Variants in GREP1 observed in about 807,000 individuals in gnomAD.
GREP1 encodes glycine rich extracellular protein 1, also known as glycine-rich extracellular protein 1.
intron 27 of GREP1, 113 bp from the exon 25 acceptor site, chr16:2,999,789 T>C (rs2072449454): frequency 1.0e-5 from 4 of 398,340 alleles, no homozygotes; most frequent in Admixed American, 4.4e-5. Flanking sequence ...TTCCATTCCC[T>C]GTGGACAGGA....
rs1230741101 is a variant in GREP1 at position 2,995,782 on chromosome 16, C to A, written c.622+11C>A. The stretch of plus-strand genomic sequence containing the variant: ...AGCCTCTGAAGCCAGGTGAGCCCCG[C>A]CCGCCCTGGTCTGCCTCTCTATGCA... On this transcript the variant is annotated intron_variant, in intron 17 of 34. Transcript: ENST00000573315. The A allele has an allele frequency of 5.0e-6, 2 of 398,594 alleles. No homozygotes were observed. Among genetic ancestry groups the A allele is most frequent in the East Asian group, 3.6e-5 (1 of 28,090 alleles). 24.7% of individuals were successfully genotyped at this position (398,594 alleles called of 1,614,324 possible).
intron 27 of GREP1, 60 bp from the exon 25 acceptor site, chr16:2,999,842 G>A: frequency 2.5e-6 from 1 of 398,970 alleles, no homozygotes; most frequent in Non-Finnish European, 4.4e-6. Context: ...GTCGATCTTT[G>A]GCCTCCAAGG....
In GREP1 at chr16:2,989,085, G is replaced by A. The variant is rs1413836586; in HGVS notation, c.101-438G>A. ...TCTGAGCTTCAGGAGAGAAAGATGG[G>A]GGGCAGAGGTGGTGAGAAGAAGAGG... On this transcript the variant is annotated intron_variant, in intron 2 of 34. Coordinates refer to ENST00000573315, the Ensembl canonical transcript of GREP1. This position sits in a 1 kb window ranked among gnomAD's most constrained non-coding sequence, Gnocchi z 4.2. 4.2e-6 allele frequency: 1 copy of A among 238,026 alleles called. No homozygotes were observed. The allele number at this position is 238,026 out of a possible 1,614,324, so 14.7% of individuals were successfully genotyped here.
intron 21 of GREP1, 128 bp downstream of exon 20, chr16:2,997,213 G>T: frequency 2.5e-6 from 1 of 398,936 alleles, no homozygotes; most frequent in Non-Finnish European, 4.4e-6. Context: ...GGGGTGTCGG[G>T]CTGATGTCCC....
At position 3,000,082 on chromosome 16, in the gene GREP1, C is replaced by G. The variant is rs1483829982; in HGVS notation, c.1232-4C>G. ...TCTCTGAGTCACAGTTTTCTCTCCC[C>G]CAGGTTTTAATGGTGGCCTCGAGCC... On this transcript the variant is annotated splice_region_variant and splice_polypyrimidine_tract_variant and intron_variant, in intron 28 of 34. Transcript: ENST00000573315. 2.5e-6 allele frequency: 1 copy of G among 398,914 alleles called. No homozygotes were observed. Among genetic ancestry groups the G allele is most frequent in the East Asian group, 3.6e-5 (1 of 28,100 alleles). 24.7% of individuals were successfully genotyped at this position (398,914 alleles called of 1,614,324 possible).
chr16:2,996,153 G>A (rs898290082), intron 18 of GREP1, among the ~76,000 whole-genome samples: 6 of 152,112 alleles, frequency 3.9e-5, no homozygotes, highest in Admixed American at 1.3e-4. Flanking sequence ...GGCTGGTCTC[G>A]AACTCCTGAC....
intron 1 of GREP1, 55 bp from the exon 2 acceptor site, chr16:2,988,535 C>G (rs1192169230): frequency 1.3e-5 from 5 of 399,098 alleles, no homozygotes; most frequent in Non-Finnish European, 2.2e-5. Context: ...GGGCGCTGCC[C>G]CATCTCAGCC....
chr16:2,989,859 TC>T lies in GREP1; in HGVS notation c.131-114del, dbSNP rs1289544695. 2.5e-6 allele frequency: 1 copy of T among 398,392 alleles called. No homozygotes were observed. The highest frequency in any genetic ancestry group is 4.4e-6 in the Non-Finnish European group (1 of 225,990). The allele number at this position is 398,392 out of a possible 1,614,324, so 24.7% of individuals were successfully genotyped here. A position where few individuals can be genotyped will look rare whatever the true frequency, so the allele number is the denominator to read the frequency against. ...ACCTGTGCCCCACAGCCCTCCCCCA[TC>T]ATGGGAAGGGACTGAGTTCCCACAG... On this transcript the variant is annotated intron_variant, in intron 3 of 34. Transcript: ENST00000573315. This position sits in a 1 kb window ranked among gnomAD's most constrained non-coding sequence, Gnocchi z 4.2.
In GREP1 at chr16:2,991,765, G is replaced by A. The variant is rs1039910712; in HGVS notation, c.322+664G>A. On this transcript the variant is annotated intron_variant, in intron 8 of 34. Coordinates refer to ENST00000573315, the Ensembl canonical transcript of GREP1. The surrounding 1 kb of genome is among the most constrained non-coding windows in gnomAD (Gnocchi z 4.9). Reference sequence around the variant, plus strand: ...GGCCTCTGAGCTGCTTCCTGGGCATGCGCCCTTAGTGAACTGTCAGGGTGT... The same window carrying A: ...GGCCTCTGAGCTGCTTCCTGGGCATACGCCCTTAGTGAACTGTCAGGGTGT... 1 of 152,432 alleles carries A rather than the reference G, an allele frequency of 6.6e-6. No homozygotes were observed. Among genetic ancestry groups the A allele is most frequent in the Non-Finnish European group, 1.5e-5 (1 of 68,202 alleles). The allele number at this position is 152,432 out of a possible 1,614,324, so 9.4% of individuals were successfully genotyped here.
chr16:2,994,913 A>G lies in GREP1; in HGVS notation c.449-14A>G, dbSNP rs754977096. ...CTCCCCTCATTCATACCCCGCCTTG[A>G]TCTATTCCCCCAGGATTCCAGTACA... is the stretch of plus-strand genomic sequence containing the variant. On this transcript the variant is annotated splice_polypyrimidine_tract_variant and intron_variant, in intron 12 of 34. Coordinates refer to ENST00000573315, the Ensembl canonical transcript of GREP1. 7.0e-5 allele frequency: 28 copies of G among 399,104 alleles called. No homozygotes were observed. The Admixed American group carries it at 7.9e-4, about 11-fold the overall frequency. The allele number at this position is 399,104 out of a possible 1,614,324, so 24.7% of individuals were successfully genotyped here.
Position 3,001,348 on chromosome 16 carries a change from G to T in GREP1, c.1585+14G>T, listed in dbSNP as rs754787529. The T allele has an allele frequency of 2.5e-6, 1 of 399,132 alleles. No individual in the cohort carries two copies. Among genetic ancestry groups the T allele is most frequent in the Non-Finnish European group, 4.4e-6 (1 of 226,132 alleles). The allele number at this position is 399,132 out of a possible 1,614,324, so 24.7% of individuals were successfully genotyped here. On this transcript the variant is annotated intron_variant, in intron 34 of 34. Transcript: ENST00000573315. The stretch of plus-strand genomic sequence containing the variant: ...ATGGCTACGGAGGTGAGAGGGAGGC[G>T]CAATGGCCGAGCCGCCTGCCCAAAG...
At chr16:2,998,593 G>C in intron 25 of GREP1, 70 bp downstream of exon 23, 2 of 398,836 alleles carry the variant, frequency 5.0e-6, no homozygotes, top group Non-Finnish European at 8.8e-6. Context: ...AGACGGAGGG[G>C]CCTCCATCAG....
chr16:2,992,852 G>A lies in GREP1; in HGVS notation c.352+18G>A. The stretch of plus-strand genomic sequence containing the variant: ...TGGACCAGGTAAAGAGGGTGGGGAC[G>A]GAAGCGGGGAGCCTGGGGCTGAGAT... On this transcript the variant is annotated intron_variant, in intron 9 of 34. Coordinates refer to ENST00000573315, the Ensembl canonical transcript of GREP1. The surrounding 1 kb of genome is among the most constrained non-coding windows in gnomAD (Gnocchi z 4.9). 2.5e-6 allele frequency: 1 copy of A among 399,152 alleles called. No homozygotes were observed. Among genetic ancestry groups the A allele is most frequent in the Non-Finnish European group, 4.4e-6 (1 of 226,106 alleles). 24.7% of individuals were successfully genotyped at this position (399,152 alleles called of 1,614,324 possible).
intron 22 of GREP1, chr16:2,997,530 C>T (rs573686983): frequency 1.3e-5 from 5 of 398,286 alleles, no homozygotes; most frequent in Non-Finnish European, 2.2e-5. Context: ...CAGCCTTAGA[C>T]GGGGTAGAGT....
intron 10 of GREP1, chr16:2,993,722 G>A (rs941366671): frequency 1.3e-5 from 2 of 152,022 alleles, no homozygotes; most frequent in Non-Finnish European, 2.9e-5. Flanking sequence ...CACTTTGGGA[G>A]GCTGAGGCGG....
At chr16:2,993,198 G>C (rs1366326097) in intron 10 of GREP1, 1 of 347,442 alleles carries the variant, frequency 2.9e-6, no homozygotes, top group East Asian at 4.2e-5. Flanking sequence ...GCCTGGCCCT[G>C]GTCCTGAGCA....
In GREP1 at chr16:2,991,354, T is replaced by C. The variant is rs999930414; in HGVS notation, c.322+253T>C. The C allele has an allele frequency of 3.0e-5, 11 of 361,648 alleles. No homozygotes were observed. Among genetic ancestry groups the C allele is most frequent in the African/African-American group, 6.3e-5 (3 of 47,562 alleles). The allele number at this position is 361,648 out of a possible 1,614,324, so 22.4% of individuals were successfully genotyped here. ...TCAAGCCTGCCCACCCCACCGCTCA[T>C]GGCCCTCACCAATGTCTCCCCAGGA... On this transcript the variant is annotated intron_variant, in intron 8 of 34. Transcript: ENST00000573315. This position sits in a 1 kb window ranked among gnomAD's most constrained non-coding sequence, Gnocchi z 4.9.
intron 14 of GREP1, 37 bp downstream of exon 15, chr16:2,995,353 G>T (rs1596462272): frequency 7.5e-6 from 3 of 398,920 alleles, no homozygotes; most frequent in Non-Finnish European, 1.3e-5. Context: ...TCTCCCCAGT[G>T]TTCAGAGCCC....
At chr16:2,995,799 C>T (rs911924294) in intron 17 of GREP1, 28 bp downstream of exon 17, 3 of 398,560 alleles carry the variant, frequency 7.5e-6, no homozygotes, top group African/African-American at 6.2e-5. Context: ...TGGTCTGCCT[C>T]TCTATGCACG....
Sources: gnomAD v4.1 joint callset for allele counts (sites outside exome capture counted in the v4.1 genomes callset) on GRCh38, gnomAD v4.1.1 for gene constraint, Gnocchi (gnomAD v3.1) non-coding constraint, MANE v1.5 for transcripts, NCBI Gene and HGNC (gene_info 2026-07-23, HGNC 2026-07-21) for gene names.